The following DOCK3 variants were observed in gnomAD, a reference collection of about 807,000 sequenced individuals.
The protein encoded by DOCK3 is dedicator of cytokinesis 3.
In DOCK3, 60 loss-of-function variants were observed where a neutral mutation model predicts 265.6. The observed-to-expected ratio is 0.23, with a 90% CI of 0.18 to 0.28. The LOEUF is 0.28. DOCK3 is among the 10% of genes least tolerant of loss of function. DOCK3 has a pLI of 1.00. For synonymous variants in DOCK3, 881 were observed against 938.0 expected (o/e 0.94, Z 1.11); for missense variants, 1,981 against 2,594.3 (o/e 0.76, Z 5.14).
intron 22 of DOCK3, among the ~76,000 whole-genome samples, chr3:51,259,329 G>A (rs1437844698): frequency 6.6e-6 from 1 of 152,112 alleles, no homozygotes; most frequent in African/African-American, 2.4e-5. Flanking sequence ...ACTTCTGTTT[G>A]TTTCAGCCTT....
intron 5 of DOCK3, among the ~76,000 whole-genome samples, chr3:51,005,517 C>T (rs2078646002): frequency 6.6e-6 from 1 of 152,144 alleles, no homozygotes; most frequent in South Asian, 2.1e-4. Context: ...GTCTAATAAG[C>T]ACCTCAAACT....
chr3:50,900,429 T>G (rs919023173), intron 4 of DOCK3, among the ~76,000 whole-genome samples: 24 of 152,184 alleles, frequency 1.6e-4, no homozygotes, highest in Non-Finnish European at 7.4e-5. Context: ...AACATGCTCC[T>G]TTAGCTTGGA....
chr3:51,190,179 G>A (rs2087860889), intron 12 of DOCK3, among the ~76,000 whole-genome samples: 1 of 152,230 alleles, frequency 6.6e-6, no homozygotes, highest in Non-Finnish European at 1.5e-5. Context: ...TTCCCTTGAT[G>A]TGATGTACTC....
At chr3:50,760,679 A>G (rs2040470174) in intron 1 of DOCK3, among the ~76,000 whole-genome samples, 1 of 152,236 alleles carries the variant, frequency 6.6e-6, no homozygotes, top group African/African-American at 2.4e-5. Context: ...CGATGGATTT[A>G]TCAGAATGTA....
chr3:51,044,447 G>A (rs975192803), intron 5 of DOCK3, among the ~76,000 whole-genome samples: 8 of 152,098 alleles, frequency 5.3e-5, no homozygotes, highest in African/African-American at 1.4e-4. Context: ...AGGGTAGGAG[G>A]AGGGAGAGGA....
rs530299525 is a variant in DOCK3 at position 50,740,175 on chromosome 3, ATC to A, written c.38-38496_38-38495del. Among the ~76,000 whole-genome samples the A allele has an allele frequency of 3.9e-5, 6 of 152,216 alleles. No individual in the cohort carries two copies. The East Asian group carries it at 1.2e-3, about 29-fold the overall frequency. On this transcript the variant is annotated intron_variant, in intron 1 of 52. Transcript: ENST00000266037. ...ATTTAGTCTCATTATTTTGTGATTT[ATC>A]TCTGTTACCTGTATCAATAGTTCTT...
intron 5 of DOCK3, among the ~76,000 whole-genome samples, chr3:51,060,275 C>A (rs998212325): frequency 4.6e-5 from 7 of 151,966 alleles, no homozygotes; most frequent in African/African-American, 1.2e-4. Flanking sequence ...ATTTATTTAA[C>A]CCCCCAGTGC....
At chr3:51,049,809 ACACACACACACACACACACC>A (rs939978260) in intron 5 of DOCK3, among the ~76,000 whole-genome samples, 8 of 144,538 alleles carry the variant, frequency 5.5e-5, no homozygotes, top group Admixed American at 5.0e-4. Context: ...ACACACACAC[ACACACACACACACACACACC>A]CCAAAAAAAC....
intron 3 of DOCK3, chr3:50,880,652 A>C (rs2047975546): frequency 6.5e-6 from 1 of 154,066 alleles, no homozygotes; most frequent in South Asian, 1.9e-4. Context: ...ACCAACCAAA[A>C]AAAGTCCAGG....
At chr3:51,032,665 C>A (rs1414430596) in intron 5 of DOCK3, among the ~76,000 whole-genome samples, 8 of 151,996 alleles carry the variant, frequency 5.3e-5, no homozygotes, top group Admixed American at 5.3e-4. Flanking sequence ...CACAGCTACT[C>A]AGGAGGCTGA....
chr3:51,246,004 G>A (rs2078820265), intron 21 of DOCK3, among the ~76,000 whole-genome samples: 1 of 152,074 alleles, frequency 6.6e-6, no homozygotes, highest in Non-Finnish European at 1.5e-5. Flanking sequence ...GTGCTTTGTT[G>A]CCATATAAAT....
chr3:50,700,415 A>G (rs558426883), intron 1 of DOCK3, among the ~76,000 whole-genome samples: 33 of 152,330 alleles, frequency 2.2e-4, no homozygotes, highest in African/African-American at 7.9e-4. Flanking sequence ...CCCATTGACC[A>G]ACTGCCCCTT....
intron 12 of DOCK3, among the ~76,000 whole-genome samples, chr3:51,172,052 G>A (rs2107638970): frequency 6.6e-6 from 1 of 152,264 alleles, no homozygotes; most frequent in South Asian, 2.1e-4. Flanking sequence ...ATACTTGGAT[G>A]AATTCACTCT....
chr3:51,157,452 G>T (rs546512285), intron 10 of DOCK3, among the ~76,000 whole-genome samples: 3 of 152,030 alleles, frequency 2.0e-5, no homozygotes, highest in Non-Finnish European at 4.4e-5. Context: ...CACCATGTTG[G>T]CCAGGCTGGT....
intron 3 of DOCK3, among the ~76,000 whole-genome samples, chr3:50,857,008 A>G (rs2046632727): frequency 6.6e-6 from 1 of 152,212 alleles, no homozygotes; most frequent in Non-Finnish European, 1.5e-5. Flanking sequence ...TCATCCTTGC[A>G]TCATAGGAAT....
intron 9 of DOCK3, among the ~76,000 whole-genome samples, chr3:51,128,143 C>T (rs745725060): frequency 1.3e-5 from 2 of 152,142 alleles, no homozygotes; most frequent in African/African-American, 2.4e-5. Context: ...GGAACTAAGA[C>T]CTCTAGGCCA....
intron 9 of DOCK3, among the ~76,000 whole-genome samples, chr3:51,093,856 T>C (rs953124931): frequency 8.5e-5 from 13 of 152,238 alleles, no homozygotes; most frequent in Non-Finnish European, 1.0e-4. Context: ...ATACCTAGTT[T>C]GTTCAGAGTT....
chr3:51,304,679 G>A (rs566566906), intron 27 of DOCK3, among the ~76,000 whole-genome samples: 18 of 152,344 alleles, frequency 1.2e-4, no homozygotes, highest in African/African-American at 2.9e-4. Context: ...TGGGTAGCAC[G>A]ATCCCTCACT....
At chr3:51,267,320 T>C (rs1488378073) in intron 23 of DOCK3, among the ~76,000 whole-genome samples, 1 of 151,902 alleles carries the variant, frequency 6.6e-6, no homozygotes, top group African/African-American at 2.4e-5. Flanking sequence ...TTTCTGGCTA[T>C]AAACCCAAGG....
Sources: allele counts gnomAD v4.1 joint callset (sites outside exome capture counted in the v4.1 genomes callset), GRCh38; gene constraint gnomAD v4.1.1; transcripts MANE v1.5; gene names NCBI Gene and HGNC (gene_info 2026-07-23, HGNC 2026-07-21).